Variants in SAMSN1 observed in about 807,000 individuals in gnomAD.
The protein encoded by SAMSN1 is SAM domain-containing protein SAMSN-1.
Under a neutral mutation model 42.0 loss-of-function variants are expected in SAMSN1, and 31 were observed. The observed-to-expected ratio is 0.74, with a 90% CI of 0.55 to 1.00. The LOEUF is 1.00. Among genes scored for constraint, SAMSN1 ranks in the 50% least tolerant of loss-of-function variants. SAMSN1 has a pLI of 0.00. For missense variants in SAMSN1, 464 were observed against 439.4 expected (o/e 1.06, Z -0.50); for synonymous variants, 178 against 151.9 (o/e 1.17, Z -1.26).
At chr21:14,541,990 A>AAG (rs1980070326) in intron 1 of SAMSN1, among the ~76,000 whole-genome samples, 1 of 151,648 alleles carries the variant, frequency 6.6e-6, no homozygotes, top group South Asian at 2.1e-4. Context: ...AGACCCTGAA[A>AAG]AAAAAAAAAG....
At chr21:14,636,617 C>T (rs1299219493) in intron 2 of SAMSN1, among the ~76,000 whole-genome samples, 3 of 152,058 alleles carry the variant, frequency 2.0e-5, no homozygotes, top group Non-Finnish European at 2.9e-5. Context: ...TCGAGGCAGG[C>T]GGATCACGAG....
intron 3 of SAMSN1, among the ~76,000 whole-genome samples, chr21:14,513,937 G>A (rs905567958): frequency 2.0e-5 from 3 of 152,202 alleles, no homozygotes; most frequent in African/African-American, 4.8e-5. Context: ...TATAGACCAT[G>A]TGTGGTGGCC....
chr21:14,590,684 A>G (rs1982056979), intron 7 of SAMSN1, among the ~76,000 whole-genome samples: 1 of 152,218 alleles, frequency 6.6e-6, no homozygotes, highest in Non-Finnish European at 1.5e-5. Context: ...TCTACTGGTA[A>G]TTTGTTCTTA....
chr21:14,659,158 A>G (rs1983960367), upstream of SAMSN1, among the ~76,000 whole-genome samples: 1 of 151,962 alleles, frequency 6.6e-6, no homozygotes, highest in South Asian at 2.1e-4. Flanking sequence ...TGGTAGGTCA[A>G]GGGTCCATCT....
intron 2 of SAMSN1, among the ~76,000 whole-genome samples, chr21:14,520,036 A>G (rs1435852983): frequency 1.3e-5 from 2 of 152,330 alleles, no homozygotes; most frequent in East Asian, 3.9e-4. Flanking sequence ...GGCAAAATAG[A>G]TATACTAATA....
At chr21:14,641,238 G>A (rs189572350) in intron 2 of SAMSN1, among the ~76,000 whole-genome samples, 111 of 152,142 alleles carry the variant, frequency 7.3e-4, no homozygotes, top group Non-Finnish European at 1.3e-3. Context: ...TAAAGGTAAG[G>A]GAAGAGTTTC....
rs367902217 is a variant in SAMSN1 at position 14,543,203 on chromosome 21, T to G, written c.57+3002A>C. On this transcript the variant is annotated intron_variant, in intron 1 of 7. Coordinates refer to ENST00000400566, the MANE Select transcript of SAMSN1 (RefSeq NM_022136.5). The stretch of plus-strand genomic sequence containing the variant: ...TGCAAGAATTTACCAGTTTCTGTTA[T>G]AGAATATCTCTGGTCTCTGCCTCTC... Among the ~76,000 whole-genome samples, 32 of 152,288 alleles carry G rather than the reference T, an allele frequency of 2.1e-4. 1 individual carries two copies. Among genetic ancestry groups the G allele is most frequent in the South Asian group, 1.7e-3 (8 of 4,828 alleles).
chr21:14,496,752 C>A (rs1986929480), intron 7 of SAMSN1, among the ~76,000 whole-genome samples: 1 of 152,148 alleles, frequency 6.6e-6, no homozygotes, highest in Non-Finnish European at 1.5e-5. Context: ...CATCTCCCAG[C>A]CTCACAACTT....
upstream of SAMSN1, among the ~76,000 whole-genome samples, chr21:14,549,502 A>T (rs532803369): frequency 6.6e-6 from 1 of 152,180 alleles, no homozygotes. Flanking sequence ...GCCTCTGTGT[A>T]TTGCTGGGTC....
intron 1 of SAMSN1, among the ~76,000 whole-genome samples, chr21:14,643,620 G>A (rs923033339): frequency 3.3e-5 from 5 of 152,144 alleles, no homozygotes; most frequent in African/African-American, 9.7e-5. Context: ...TAAGATGGCA[G>A]AATAGAAAGC....
Position 14,568,570 on chromosome 21 carries a change from G to T in SAMSN1, c.261+13566C>A, listed in dbSNP as rs527503902. On this transcript the variant is annotated intron_variant, in intron 2 of 8. Coordinates refer to the SAMSN1 transcript ENST00000285670. Reference sequence around the variant, plus strand: ...CATTCCTTCATAAAGTTGATCCATGGATATTTATTCATAGAAGAGGTCTTA... The same window carrying T: ...CATTCCTTCATAAAGTTGATCCATGTATATTTATTCATAGAAGAGGTCTTA... Among the ~76,000 whole-genome samples, 8 of 152,186 alleles carry T rather than the reference G, an allele frequency of 5.3e-5. No homozygotes were observed. In the South Asian group the frequency reaches 1.5e-3, roughly 28 times the overall value.
intron 2 of SAMSN1, among the ~76,000 whole-genome samples, chr21:14,624,680 C>T (rs1258475744): frequency 2.0e-5 from 3 of 152,098 alleles, no homozygotes; most frequent in Admixed American, 6.5e-5. Context: ...GGATTCACAG[C>T]CAAATACTAA....
chr21:14,586,669 ATTAG>A (rs1981928198), upstream of SAMSN1, among the ~76,000 whole-genome samples: 2 of 152,310 alleles, frequency 1.3e-5, no homozygotes, highest in South Asian at 4.1e-4. Flanking sequence ...TAACAGGGTG[ATTAG>A]TGAGGATGCA....
intron 2 of SAMSN1, among the ~76,000 whole-genome samples, chr21:14,557,632 T>C (rs189262677): frequency 4.5e-4 from 69 of 152,328 alleles, no homozygotes; most frequent in South Asian, 1.9e-3. Flanking sequence ...TACGGGGAAT[T>C]CACTTCTGCT....
chr21:14,565,769 C>T (rs1026980676), intron 2 of SAMSN1, among the ~76,000 whole-genome samples: 2 of 152,126 alleles, frequency 1.3e-5, no homozygotes, highest in African/African-American at 4.8e-5. Flanking sequence ...TTCCGTTATA[C>T]CATGCTACAT....
In SAMSN1 at chr21:14,546,231, C is replaced by G; in HGVS notation, c.31G>C (p.Glu11Gln). 6.2e-7 allele frequency: 1 copy of G among 1,613,466 alleles called. No individual in the cohort carries two copies. The highest frequency in any genetic ancestry group is 8.5e-7 in the Non-Finnish European group (1 of 1,179,658). MLKRKPSNVSEKEKHQKPKRS... is the reference protein window; with the variant it reads MLKRKPSNVSQKEKHQKPKRS... ...TTTGGTTTTTGATGTTTCTCCTTCT[C>G]TGAAACATTGGATGGCTTTCTCTTG... The change falls in exon 1 of 8, where the codon GAG (glutamate) becomes CAG (glutamine). Residue 11 changes from glutamate (E) to glutamine (Q), a missense_variant. Physicochemically the swap from Glu to Gln is conservative, Grantham distance 29. Transcript: ENST00000400566.
intron 1 of SAMSN1, among the ~76,000 whole-genome samples, chr21:14,530,053 A>G (rs1979142089): frequency 6.6e-6 from 1 of 152,232 alleles, no homozygotes; most frequent in Non-Finnish European, 1.5e-5. Flanking sequence ...GCAGTGGCTC[A>G]CGCCTGCAAT....
intron 2 of SAMSN1, among the ~76,000 whole-genome samples, chr21:14,571,375 C>G (rs1981294826): frequency 6.6e-6 from 1 of 152,112 alleles, no homozygotes; most frequent in Non-Finnish European, 1.5e-5. Context: ...TGGGGTTGGG[C>G]TTGAGGTGAG....
intron 7 of SAMSN1, among the ~76,000 whole-genome samples, chr21:14,496,974 T>G (rs562515655): frequency 1.3e-5 from 2 of 152,258 alleles, no homozygotes; most frequent in Admixed American, 1.3e-4. Flanking sequence ...AGAGAGAGTA[T>G]AGAATAGCCC....
Sources: gnomAD v4.1 joint callset for allele counts (sites outside exome capture counted in the v4.1 genomes callset) on GRCh38, gnomAD v4.1.1 for gene constraint, MANE v1.5 for transcripts, NCBI Gene and HGNC (gene_info 2026-07-23, HGNC 2026-07-21) for gene names.